The following PLEKHA4 variants were observed in gnomAD, a reference collection of about 807,000 sequenced individuals.
PLEKHA4 encodes the protein pleckstrin homology domain containing A4.
In PLEKHA4, 73 loss-of-function variants were observed where a neutral mutation model predicts 94.7. The observed-to-expected ratio is 0.77, with a 90% CI of 0.64 to 0.94. The LOEUF (loss-of-function observed/expected upper bound fraction) is 0.94, where lower values mean the gene tolerates loss of function less well. Ranked by LOEUF, PLEKHA4 falls within the 40% of genes least tolerant of loss-of-function variation. The pLI, the probability that PLEKHA4 is intolerant of heterozygous loss-of-function variation, is 0.00. For synonymous variants in PLEKHA4, 449 were observed against 437.1 expected (o/e 1.03, Z -0.34); for missense variants, 1,049 against 1,054.1 (o/e 1.00, Z 0.07).
chr19:48,842,078 A>G (rs1347716053), intron 16 of PLEKHA4, among the ~76,000 whole-genome samples: 1 of 151,530 alleles, frequency 6.6e-6, no homozygotes, highest in African/African-American at 2.4e-5. Context: ...ACCAATCCTG[A>G]GTCCTGTTTA....
rs1336572250 is a variant in PLEKHA4, at chr19:48,868,166, T to G, written c.-90A>C. On this transcript the variant is annotated 5_prime_UTR_variant, in exon 1 of 20. Transcript: ENST00000263265. The stretch of plus-strand genomic sequence containing the variant: ...TAGGCAGTCTCCCGCCTCCTTTGTC[T>G]CTTAGCTGCTGTCTCTCATAGTTCT... 2 of 155,952 alleles carry G rather than the reference T, an allele frequency of 1.3e-5. No individual in the cohort carries two copies. Among genetic ancestry groups the G allele is most frequent in the Admixed American group, 1.2e-4 (2 of 16,158 alleles). 9.7% of individuals were successfully genotyped at this position (155,952 alleles called of 1,614,324 possible). A position where few individuals can be genotyped will look rare whatever the true frequency, so the allele number is the denominator to read the frequency against.
intron 9 of PLEKHA4, among the ~76,000 whole-genome samples, chr19:48,856,087 G>A (rs1462669294): frequency 3.3e-5 from 5 of 150,856 alleles, no homozygotes; most frequent in African/African-American, 9.8e-5. Context: ...CAGGAGAATC[G>A]CTTGAACCCA....
rs772051877 is a variant in PLEKHA4 at position 48,860,389 on chromosome 19, C to G, written c.437G>C (p.Arg146Pro). 6.2e-7 allele frequency: 1 copy of G among 1,613,960 alleles called. No homozygotes were observed. ...CGCACGGGAGGCCCGGCCCAGCGCC[C>G]GTAGCCAGCCCCGCAGGTCTTCTAA... Reference protein sequence around the residue: ...DTLEDLRGWLRALGRASRAEG... With the variant: ...DTLEDLRGWLPALGRASRAEG... The change falls in exon 6 of 20, where the codon CGG becomes CCG. Residue 146 changes from arginine (R) to proline (P), a missense_variant. By Grantham distance (103) the Arg-to-Pro change is moderately radical. Coordinates refer to ENST00000263265, the MANE Select transcript of PLEKHA4 (RefSeq NM_020904.3).
rs1271420295 is a variant in PLEKHA4 at position 48,859,119 on chromosome 19, C to A, written c.713G>T (p.Arg238Leu). ...RSPDLFTPLS[R>L]PPSPLSLPRP... Reference sequence around the variant, plus strand: ...GGGGAGGCTCAGAGGCGAGGGAGGGCGAGAGAGGGGGGTGAACAGGCTGTG... The same window carrying A: ...GGGGAGGCTCAGAGGCGAGGGAGGGAGAGAGAGGGGGGTGAACAGGCTGTG... The change falls in exon 8 of 20, where the codon CGC becomes CTC. Residue 238 changes from arginine to leucine, a missense_variant. Physicochemically the swap from Arg to Leu is moderately radical, Grantham distance 102. Transcript: ENST00000263265. 2 of 1,448,760 alleles carry A rather than the reference C, an allele frequency of 1.4e-6. No homozygotes were observed. Among genetic ancestry groups the A allele is most frequent in the South Asian group, 1.4e-5 (1 of 71,972 alleles). 89.7% of individuals were successfully genotyped at this position (1,448,760 alleles called of 1,614,324 possible). A position where few individuals can be genotyped will look rare whatever the true frequency, so the allele number is the denominator to read the frequency against.
chr19:48,844,122 A>ATTT (rs1177812124), intron 16 of PLEKHA4, among the ~76,000 whole-genome samples: 34 of 12,020 alleles, frequency 2.8e-3, no homozygotes, highest in Non-Finnish European at 3.9e-3. Context: ...TATTTATTTT[A>ATTT]TTATTATTAT....
chr19:48,868,143 G>C lies in PLEKHA4; in HGVS notation c.-67C>G, dbSNP rs2036897013. On this transcript the variant is annotated 5_prime_UTR_variant, in exon 1 of 20. Coordinates refer to ENST00000263265, the MANE Select transcript of PLEKHA4 (RefSeq NM_020904.3). ...GACGGTGTGGGTGCTGCGGCACCTAGGCAGTCTCCCGCCTCCTTTGTCTCT... is the reference window on the plus strand; with the variant it reads ...GACGGTGTGGGTGCTGCGGCACCTACGCAGTCTCCCGCCTCCTTTGTCTCT... The C allele has an allele frequency of 6.3e-6, 1 of 157,750 alleles. No individual in the cohort carries two copies. Among genetic ancestry groups the C allele is most frequent in the Non-Finnish European group, 1.4e-5 (1 of 70,992 alleles). The allele number at this position is 157,750 out of a possible 1,614,324, so 9.8% of individuals were successfully genotyped here.
chr19:48,858,359 C>T (rs762320064), intron 8 of PLEKHA4, among the ~76,000 whole-genome samples: 14 of 152,220 alleles, frequency 9.2e-5, no homozygotes, highest in Admixed American at 2.0e-4. Flanking sequence ...CGGTGGCTCA[C>T]GCCTGTAATC....
rs142798538 is a variant in PLEKHA4 at position 48,844,507 on chromosome 19, A to G, written c.1743+863T>C. On this transcript the variant is annotated intron_variant, in intron 16 of 19. Coordinates refer to ENST00000263265, the MANE Select transcript of PLEKHA4 (RefSeq NM_020904.3). The stretch of plus-strand genomic sequence containing the variant: ...TCAAGTAATCCCAACAGGTACCCCA[A>G]AGACTTCTGAAAGCCAGCCAATCAG... 1,013 of 985,298 alleles carry G rather than the reference A, an allele frequency of 1.0e-3. 7 individuals carry two copies. In the African/African-American group the frequency reaches 0.016, roughly 16 times the overall value. The allele number at this position is 985,298 out of a possible 1,614,324, so 61.0% of individuals were successfully genotyped here. A position where few individuals can be genotyped will look rare whatever the true frequency, so the allele number is the denominator to read the frequency against.
chr19:48,852,444 G>A, intron 12 of PLEKHA4, 118 bp from the exon 13 acceptor site: 1 of 734,600 alleles, frequency 1.4e-6, no homozygotes, highest in Non-Finnish European at 2.3e-6. Flanking sequence ...GAGCCCTGCA[G>A]GCGTATGGAC....
At chr19:48,866,986 C>T (rs55674111) in intron 2 of PLEKHA4, among the ~76,000 whole-genome samples, 64 of 152,234 alleles carry the variant, frequency 4.2e-4, no homozygotes, top group Non-Finnish European at 7.8e-4. Flanking sequence ...TCCTTGGAAG[C>T]GGTGGTACTG....
At chr19:48,861,961 A>T (rs2036657803) in intron 3 of PLEKHA4, among the ~76,000 whole-genome samples, 2 of 151,742 alleles carry the variant, frequency 1.3e-5, no homozygotes, top group South Asian at 4.2e-4. Context: ...CCCCATCTCT[A>T]CTACTAAAAA....
intron 2 of PLEKHA4, 122 bp from the exon 3 acceptor site, chr19:48,865,732 C>T (rs1599938979): frequency 1.6e-6 from 1 of 626,982 alleles, no homozygotes; most frequent in East Asian, 2.8e-5. Flanking sequence ...GGTCAAGGAC[C>T]AGCCGGGCGC....
chr19:48,865,705 G>T (rs2036808287), intron 2 of PLEKHA4, 95 bp from the exon 3 acceptor site: 9 of 806,898 alleles, frequency 1.1e-5, no homozygotes, highest in Non-Finnish European at 1.8e-5. Flanking sequence ...GCTCTCGCTT[G>T]GCTGCCCTGA....
At chr19:48,838,601 C>CA (rs1407497684) in intron 18 of PLEKHA4, among the ~76,000 whole-genome samples, 1 of 150,668 alleles carries the variant, frequency 6.6e-6, no homozygotes, top group Non-Finnish European at 1.5e-5. Context: ...CAGTCTCTAC[C>CA]AAAAAATACA....
Position 48,841,225 on chromosome 19 carries a change from C to A in PLEKHA4, c.1829G>T (p.Arg610Leu), listed in dbSNP as rs111308102. The change falls in exon 17 of 20, where the codon CGC becomes CTC. Residue 610 changes from arginine (R) to leucine (L), a missense_variant. Transcript: ENST00000263265. ...GGTGAGAAGCCGGGGGGAGGTCGGG[C>A]GAGGGAAGGGCCGTCCACATTCCTG... Reference protein sequence around the residue: ...RNQECGRPFPRPTSPRLLTLG... With the variant: ...RNQECGRPFPLPTSPRLLTLG... The A allele has an allele frequency of 1.6e-5, 26 of 1,613,172 alleles. No individual in the cohort carries two copies. Among genetic ancestry groups the A allele is most frequent in the Non-Finnish European group, 2.2e-5 (26 of 1,179,808 alleles).
chr19:48,839,599 T>C (rs1337219909), intron 17 of PLEKHA4, among the ~76,000 whole-genome samples: 1 of 152,026 alleles, frequency 6.6e-6, no homozygotes, highest in East Asian at 1.9e-4. Flanking sequence ...ATTTTTATTT[T>C]TAGTAGAGAC....
chr19:48,853,546 GA>G, intron 12 of PLEKHA4, 135 bp downstream of exon 12: 2 of 979,942 alleles, frequency 2.0e-6, no homozygotes, highest in Non-Finnish European at 2.8e-6. Context: ...TGAGGAGAGA[GA>G]AAAAATAATA....
At chr19:48,848,850 C>G (rs1285006528) in intron 13 of PLEKHA4, among the ~76,000 whole-genome samples, 2 of 151,678 alleles carry the variant, frequency 1.3e-5, no homozygotes, top group Non-Finnish European at 2.9e-5. Flanking sequence ...TGTTGTTTTA[C>G]TGTGTTACAT....
chr19:48,838,354 C>G (rs997315076), intron 18 of PLEKHA4: 39 of 328,434 alleles, frequency 1.2e-4, no homozygotes, highest in African/African-American at 8.1e-4. Flanking sequence ...GATGGATACC[C>G]TATTCCCGAT....
Sources: allele counts gnomAD v4.1 joint callset (sites outside exome capture counted in the v4.1 genomes callset), GRCh38; gene constraint gnomAD v4.1.1; transcripts MANE v1.5; gene names NCBI Gene and HGNC (gene_info 2026-07-23, HGNC 2026-07-21).